The following SMG6 variants were observed in gnomAD, a reference collection of about 807,000 sequenced individuals.
SMG6 encodes SMG6 nonsense mediated mRNA decay factor, also known as telomerase-binding protein EST1A.
Under a neutral mutation model 142.2 loss-of-function variants are expected in SMG6, and 66 were observed. That is an observed-to-expected ratio of 0.46 (90% CI 0.38 to 0.57). The LOEUF is 0.57. Ranked by LOEUF, SMG6 falls within the 20% of genes least tolerant of loss-of-function variation. The pLI, the probability that SMG6 is intolerant of heterozygous loss-of-function variation, is 0.00. For missense variants in SMG6, 1,793 were observed against 1,832.0 expected (o/e 0.98, Z 0.39); for synonymous variants, 779 against 702.4 (o/e 1.11, Z -1.72).
In SMG6 at chr17:2,286,480, G is replaced by A. The variant is rs551214992; in HGVS notation, c.2338-2745C>T. Among the ~76,000 whole-genome samples, 24 of 152,210 alleles carry A rather than the reference G, an allele frequency of 1.6e-4. No individual in the cohort carries two copies. In the South Asian group the frequency reaches 4.8e-3, roughly 30 times the overall value. On this transcript the variant is annotated intron_variant, in intron 6 of 18. Coordinates refer to ENST00000263073, the MANE Select transcript of SMG6 (RefSeq NM_017575.5). The stretch of plus-strand genomic sequence containing the variant: ...ACATATAAAGTGACTTTTTACAAGG[G>A]AACCAAGACCATTCAATGAAGAAAG...
chr17:2,229,909 AGCGCAGTGGCTCAT>A (rs1322089380), intron 10 of SMG6, among the ~76,000 whole-genome samples: 8 of 152,022 alleles, frequency 5.3e-5, no homozygotes, highest in Non-Finnish European at 1.2e-4. Flanking sequence ...TGCCAGGCCA[AGCGCAGTGGCTCAT>A]GCCTGTAATC....
chr17:2,074,987 G>A (rs1026275710), intron 15 of SMG6, among the ~76,000 whole-genome samples: 9 of 152,212 alleles, frequency 5.9e-5, no homozygotes, highest in Admixed American at 1.3e-4. Flanking sequence ...CTGGGGCCCA[G>A]CACTCAGGTT....
chr17:2,066,531 C>T (rs1207447974), intron 16 of SMG6, among the ~76,000 whole-genome samples: 1 of 151,898 alleles, frequency 6.6e-6, no homozygotes, highest in African/African-American at 2.4e-5. Context: ...GGTCTGAGGC[C>T]TCTCCTTAGC....
intron 13 of SMG6, among the ~76,000 whole-genome samples, chr17:2,120,435 T>C (rs2069651746): frequency 6.6e-6 from 1 of 152,160 alleles, no homozygotes; most frequent in Admixed American, 6.5e-5. Context: ...TATGAAAAAG[T>C]ATACAACTTC....
chr17:2,123,537 G>C (rs1597424493), intron 13 of SMG6, among the ~76,000 whole-genome samples: 1 of 152,302 alleles, frequency 6.6e-6, no homozygotes, highest in East Asian at 1.9e-4. Context: ...TCTTGGCAAT[G>C]GTTATTCCTC....
At chr17:2,063,595 C>T (rs4790309) in intron 18 of SMG6, among the ~76,000 whole-genome samples, 61,066 of 152,176 alleles carry the variant, frequency 0.4, 12,950 homozygotes, top group Admixed American at 0.49. Context: ...AGTCCTGGAA[C>T]CACACTTCCC....
chr17:2,303,403 C>A, intron 1 of SMG6: 27 of 1,248,580 alleles, frequency 2.2e-5, no homozygotes, highest in Non-Finnish European at 2.7e-5. Context: ...AGGGTGGAGG[C>A]AGGAATTCGG....
intron 10 of SMG6, among the ~76,000 whole-genome samples, chr17:2,201,216 A>G: frequency 6.6e-6 from 1 of 152,226 alleles, no homozygotes; most frequent in Non-Finnish European, 1.5e-5. Context: ...CAAAGAAGAT[A>G]TATGGATGGC....
At chr17:2,276,998 C>T (rs1317597806) in intron 8 of SMG6, among the ~76,000 whole-genome samples, 2 of 152,116 alleles carry the variant, frequency 1.3e-5, no homozygotes, top group East Asian at 3.9e-4. Context: ...TCAGCCTGGT[C>T]TCGAACTCCC....
chr17:2,093,700 A>C (rs1460294153), intron 13 of SMG6, among the ~76,000 whole-genome samples: 2 of 152,102 alleles, frequency 1.3e-5, no homozygotes, highest in Admixed American at 6.5e-5. Context: ...ATTTTTTTTA[A>C]ATTTGTCCAG....
intron 10 of SMG6, among the ~76,000 whole-genome samples, chr17:2,197,871 C>T (rs1230438112): frequency 6.6e-6 from 1 of 152,150 alleles, no homozygotes; most frequent in East Asian, 1.9e-4. Flanking sequence ...ATCACATGTA[C>T]GTTGCTGATG....
At chr17:2,255,161 T>G (rs934793840) in intron 8 of SMG6, among the ~76,000 whole-genome samples, 18 of 151,730 alleles carry the variant, frequency 1.2e-4, no homozygotes, top group Non-Finnish European at 2.2e-4. Context: ...TCCCAGCACT[T>G]TGGGAGGCCG....
chr17:2,296,291 T>C (rs2075140893), intron 4 of SMG6, among the ~76,000 whole-genome samples: 1 of 152,064 alleles, frequency 6.6e-6, no homozygotes, highest in African/African-American at 2.4e-5. Context: ...CAATGCCTGG[T>C]TCTCTTTTGC....
At chr17:2,182,916 G>C (rs1204321984) in intron 12 of SMG6, among the ~76,000 whole-genome samples, 1 of 151,872 alleles carries the variant, frequency 6.6e-6, no homozygotes, top group Non-Finnish European at 1.5e-5. Context: ...GGTGGGCAGG[G>C]GTGAAACAGA....
chr17:2,226,166 T>G (rs1251355646), intron 10 of SMG6, among the ~76,000 whole-genome samples: 3 of 151,268 alleles, frequency 2.0e-5, no homozygotes, highest in Non-Finnish European at 4.4e-5. Flanking sequence ...TCCCAGCTAC[T>G]AGGGAGGCTG....
At chr17:2,208,170 T>C (rs2072745590) in intron 10 of SMG6, among the ~76,000 whole-genome samples, 1 of 152,108 alleles carries the variant, frequency 6.6e-6, no homozygotes, top group South Asian at 2.1e-4. Flanking sequence ...CATCAAAAGA[T>C]GGTGAATGAC....
intron 13 of SMG6, chr17:2,094,953 G>C (rs1484288033): frequency 1.3e-5 from 2 of 152,228 alleles, no homozygotes; most frequent in East Asian, 3.8e-4. Flanking sequence ...AGCGGCAAAA[G>C]CGTCACAGAG....
Position 2,133,478 on chromosome 17 carries a change from T to A in SMG6, c.3357+39180A>T, listed in dbSNP as rs2151552789. On this transcript the variant is annotated intron_variant, in intron 13 of 18. Transcript: ENST00000263073. ...CCTGGAGCAGAGTTTGCTAGTTACC[T>A]CCCAATCCAGTCTTCCCTTCTTTAG... Among the ~76,000 whole-genome samples, 2 of 152,276 alleles carry A rather than the reference T, an allele frequency of 1.3e-5. 1 individual carries two copies. The highest frequency in any genetic ancestry group is 4.1e-4 in the South Asian group (2 of 4,832).
At chr17:2,243,973 T>C (rs1449084078) in intron 9 of SMG6, among the ~76,000 whole-genome samples, 1 of 152,158 alleles carries the variant, frequency 6.6e-6, no homozygotes, top group African/African-American at 2.4e-5. Context: ...AGGCATTACG[T>C]TGGGCTTAGG....
Sources: gnomAD v4.1 joint callset for allele counts (sites outside exome capture counted in the v4.1 genomes callset) on GRCh38, gnomAD v4.1.1 for gene constraint, MANE v1.5 for transcripts, NCBI Gene and HGNC (gene_info 2026-07-23, HGNC 2026-07-21) for gene names.